CCDC60: variants seen among roughly 807,000 people sequenced by gnomAD.
CCDC60 encodes coiled-coil domain containing 60.
CCDC60 carries 54 observed loss-of-function variants against 63.5 expected under a neutral mutation model. That is an observed-to-expected ratio of 0.85 (90% CI 0.68 to 1.07). CCDC60 has a LOEUF of 1.07. Ranked by LOEUF, CCDC60 falls within the 50% of genes least tolerant of loss-of-function variation. The pLI, the probability that CCDC60 is intolerant of heterozygous loss-of-function variation, is 0.00. For missense variants in CCDC60, 651 were observed against 684.3 expected (o/e 0.95, Z 0.54); for synonymous variants, 206 against 238.8 (o/e 0.86, Z 1.27).
At chr12:119,484,937 G>A (rs1951402205) in intron 4 of CCDC60, among the ~76,000 whole-genome samples, 1 of 152,182 alleles carries the variant, frequency 6.6e-6, no homozygotes, top group Non-Finnish European at 1.5e-5. Flanking sequence ...GAACCCAAAG[G>A]TGAGGACAGG....
intron 1 of CCDC60, among the ~76,000 whole-genome samples, chr12:119,418,432 T>TGG (rs1956749660): frequency 1.0e-5 from 1 of 96,372 alleles, no homozygotes; most frequent in Non-Finnish European, 2.0e-5. Flanking sequence ...TTTTTTTTTT[T>TGG]GAGATGGGGT....
In CCDC60 at chr12:119,488,858, G is replaced by C; in HGVS notation, c.549G>C (p.Trp183Cys). The C allele has an allele frequency of 6.2e-7, 1 of 1,613,816 alleles. No individual in the cohort carries two copies. The highest frequency in any genetic ancestry group is 1.3e-5 in the African/African-American group (1 of 75,032). The change falls in exon 5 of 14, where the codon TGG becomes TGC. Residue 183 changes from tryptophan to cysteine, a missense_variant. By Grantham distance (215) the Trp-to-Cys change is radical. Coordinates refer to ENST00000327554, the MANE Select transcript of CCDC60 (RefSeq NM_178499.5). The stretch of plus-strand genomic sequence containing the variant: ...CCATGAAGCCTGTGATCACCTGCTG[G>C]AACCCAAAGTATGCCTCAGCCCTTC... Reference protein sequence around the residue: ...HHTMKPVITCWNPKDPGGSKS... With the variant: ...HHTMKPVITCCNPKDPGGSKS...
intron 6 of CCDC60, among the ~76,000 whole-genome samples, chr12:119,504,197 G>C (rs1201971747): frequency 1.3e-5 from 2 of 152,124 alleles, no homozygotes; most frequent in African/African-American, 4.8e-5. Flanking sequence ...TCTGAATTCT[G>C]GTTCTGCTAT....
intron 1 of CCDC60, among the ~76,000 whole-genome samples, chr12:119,335,836 G>A (rs1955465264): frequency 6.6e-6 from 1 of 150,950 alleles, no homozygotes; most frequent in South Asian, 2.1e-4. Flanking sequence ...GTCTTTTGTT[G>A]CCATTGCTTT....
intron 7 of CCDC60, among the ~76,000 whole-genome samples, chr12:119,513,590 C>G (rs1262245195): frequency 6.6e-6 from 1 of 152,084 alleles, no homozygotes; most frequent in Non-Finnish European, 1.5e-5. Context: ...TTCATCATAC[C>G]CCAATATGAT....
chr12:119,435,926 G>T (rs1950316171), intron 2 of CCDC60, among the ~76,000 whole-genome samples: 1 of 152,146 alleles, frequency 6.6e-6, no homozygotes, highest in African/African-American at 2.4e-5. Flanking sequence ...AGGTCAGCTG[G>T]CTCTAGGCAG....
chr12:119,477,746 C>T lies in CCDC60; in HGVS notation c.342-1348C>T, dbSNP rs371354280. 3.3e-5 allele frequency among the ~76,000 whole-genome samples: 5 copies of T among 152,188 alleles called. No homozygotes were observed. In the East Asian group the frequency reaches 9.6e-4, roughly 29 times the overall value. ...TGTGTTTGGGGTAACTGAAGAAGCACACACCTCATTCAAAGCAGTCTGTGG... is the reference window on the plus strand; with the variant it reads ...TGTGTTTGGGGTAACTGAAGAAGCATACACCTCATTCAAAGCAGTCTGTGG... On this transcript the variant is annotated intron_variant, in intron 3 of 13. Coordinates refer to ENST00000327554, the MANE Select transcript of CCDC60 (RefSeq NM_178499.5).
intron 11 of CCDC60, 83 bp downstream of exon 11, chr12:119,523,901 C>A: frequency 1.4e-6 from 2 of 1,419,140 alleles, no homozygotes; most frequent in Non-Finnish European, 1.9e-6. Flanking sequence ...GGTGCTGGGG[C>A]TATATCACAA....
At chr12:119,399,830 G>C (rs1339047504) in intron 1 of CCDC60, among the ~76,000 whole-genome samples, 1 of 152,040 alleles carries the variant, frequency 6.6e-6, no homozygotes, top group Non-Finnish European at 1.5e-5. Context: ...TTACCTACGG[G>C]GTATGATCTG....
At chr12:119,423,749 G>C (rs1215927725) in intron 1 of CCDC60, among the ~76,000 whole-genome samples, 1 of 152,118 alleles carries the variant, frequency 6.6e-6, no homozygotes, top group African/African-American at 2.4e-5. Context: ...TGACTTTTGA[G>C]CTCTTCCAGC....
At chr12:119,535,808 A>G (rs767519936) in intron 13 of CCDC60, among the ~76,000 whole-genome samples, 5 of 152,068 alleles carry the variant, frequency 3.3e-5, no homozygotes, top group African/African-American at 4.8e-5. Context: ...GCTCTTTTAC[A>G]TTTGCTGAGG....
intron 5 of CCDC60, among the ~76,000 whole-genome samples, chr12:119,493,113 T>C (rs996397101): frequency 6.6e-6 from 1 of 152,194 alleles, no homozygotes; most frequent in Non-Finnish European, 1.5e-5. Flanking sequence ...CTCCTGACTG[T>C]GCTTTTCTGA....
intron 1 of CCDC60, among the ~76,000 whole-genome samples, chr12:119,383,552 G>A (rs1956030336): frequency 6.6e-6 from 1 of 152,206 alleles, no homozygotes; most frequent in African/African-American, 2.4e-5. Context: ...CAGCTATGAT[G>A]GGCTGTGTGC....
At chr12:119,382,739 A>AGCCT (rs1219782266) in intron 1 of CCDC60, among the ~76,000 whole-genome samples, 1 of 152,178 alleles carries the variant, frequency 6.6e-6, no homozygotes, top group African/African-American at 2.4e-5. Context: ...TTTGACCTTG[A>AGCCT]GCCTAACTGT....
At chr12:119,536,428 T>C (rs553417994) in intron 13 of CCDC60, among the ~76,000 whole-genome samples, 10 of 152,348 alleles carry the variant, frequency 6.6e-5, no homozygotes, top group African/African-American at 2.4e-4. Context: ...AAGGTTAATA[T>C]TGCTATGTGT....
intron 1 of CCDC60, among the ~76,000 whole-genome samples, chr12:119,384,385 T>C (rs997206438): frequency 1.3e-5 from 2 of 152,320 alleles, no homozygotes; most frequent in East Asian, 3.9e-4. Flanking sequence ...TCACCACTAA[T>C]AAAGGCAGCT....
intron 6 of CCDC60, among the ~76,000 whole-genome samples, chr12:119,502,120 A>C (rs529362629): frequency 6.6e-6 from 1 of 152,310 alleles, no homozygotes; most frequent in African/African-American, 2.4e-5. Flanking sequence ...AGTGTGATAC[A>C]GTAGGGAGTG....
chr12:119,520,045 C>T (rs1247739726), intron 8 of CCDC60, 76 bp from the exon 9 acceptor site: 2 of 1,230,172 alleles, frequency 1.6e-6, no homozygotes, highest in Non-Finnish European at 1.2e-6. Context: ...AGAATTCCCC[C>T]TCCTCCCACA....
At chr12:119,468,347 A>G (rs1326755165) in intron 2 of CCDC60, among the ~76,000 whole-genome samples, 2 of 152,170 alleles carry the variant, frequency 1.3e-5, no homozygotes, top group Non-Finnish European at 2.9e-5. Context: ...AACTGACAAT[A>G]TGGCATTACT....
Sources: gnomAD v4.1 joint callset for allele counts (sites outside exome capture counted in the v4.1 genomes callset) on GRCh38, gnomAD v4.1.1 for gene constraint, MANE v1.5 for transcripts, NCBI Gene and HGNC (gene_info 2026-07-23, HGNC 2026-07-21) for gene names.